Variants in FRK observed in about 807,000 individuals in gnomAD.
The protein encoded by FRK is fyn related Src family tyrosine kinase.
In FRK, 51 loss-of-function variants were observed where a neutral mutation model predicts 56.4. The observed-to-expected ratio is 0.90, with a 90% CI of 0.72 to 1.14. The LOEUF (loss-of-function observed/expected upper bound fraction) is 1.14. Among genes scored for constraint, FRK ranks in the 50% most tolerant of loss-of-function variants. FRK has a pLI of 0.00. For synonymous variants in FRK, 245 were observed against 217.9 expected (o/e 1.12, Z -1.10); for missense variants, 570 against 601.4 (o/e 0.95, Z 0.55).
At chr6:116,059,899 G>C in intron 1 of FRK, 69 bp downstream of exon 1, 1 of 1,323,502 alleles carries the variant, frequency 7.6e-7, no homozygotes. Flanking sequence ...TTGTAGAGAA[G>C]TAGAAAGGAA....
At chr6:116,026,608 C>T (rs1316239607) in intron 1 of FRK, among the ~76,000 whole-genome samples, 1 of 151,378 alleles carries the variant, frequency 6.6e-6, no homozygotes, top group African/African-American at 2.4e-5. Flanking sequence ...CCTGCCCACC[C>T]ACCATTAGGT....
chr6:115,956,832 C>A (rs1330946697), intron 4 of FRK, among the ~76,000 whole-genome samples: 1 of 151,970 alleles, frequency 6.6e-6, no homozygotes, highest in Non-Finnish European at 1.5e-5. Flanking sequence ...ATGTTATGAC[C>A]TGTAGGTGAA....
At chr6:116,008,798 G>C (rs1368356789) in intron 1 of FRK, among the ~76,000 whole-genome samples, 1 of 152,184 alleles carries the variant, frequency 6.6e-6, no homozygotes, top group Admixed American at 6.5e-5. Flanking sequence ...AGAGAGTGCT[G>C]AGAAGGGATC....
At chr6:116,062,723 G>C (rs1333567288), upstream of FRK, among the ~76,000 whole-genome samples, 1 of 152,128 alleles carries the variant, frequency 6.6e-6, no homozygotes, top group South Asian at 2.1e-4. Flanking sequence ...GCCTGAGAAC[G>C]CAGAGCTGAG....
intron 1 of FRK, among the ~76,000 whole-genome samples, chr6:116,034,626 A>G (rs1776403238): frequency 6.6e-6 from 1 of 152,180 alleles, no homozygotes; most frequent in African/African-American, 2.4e-5. Flanking sequence ...ATTAAACAAG[A>G]TTAAAAGAGA....
At chr6:115,955,615 T>A (rs1772953484) in intron 5 of FRK, among the ~76,000 whole-genome samples, 1 of 152,224 alleles carries the variant, frequency 6.6e-6, no homozygotes, top group African/African-American at 2.4e-5. Context: ...TGTAGCTTAA[T>A]GTTACCAGCT....
At chr6:115,971,805 A>C (rs556389672) in intron 2 of FRK, among the ~76,000 whole-genome samples, 11 of 152,318 alleles carry the variant, frequency 7.2e-5, no homozygotes, top group Admixed American at 7.2e-4. Context: ...GGCAAAAGGC[A>C]GCAGTGGAAA....
the FRK span, among the ~76,000 whole-genome samples, chr6:116,094,843 G>C: frequency 6.6e-6 from 1 of 152,004 alleles, no homozygotes; most frequent in Non-Finnish European, 1.5e-5. Context: ...GTCAAAGAGA[G>C]GAAGAGATAG....
At chr6:115,972,963 A>G (rs1235032393) in intron 2 of FRK, among the ~76,000 whole-genome samples, 1 of 152,226 alleles carries the variant, frequency 6.6e-6, no homozygotes, top group Admixed American at 6.5e-5. Flanking sequence ...CCTCCAGTTC[A>G]CGACAATAAT....
intron 1 of FRK, among the ~76,000 whole-genome samples, chr6:116,006,849 A>C (rs1484117578): frequency 6.6e-6 from 1 of 152,184 alleles, no homozygotes; most frequent in Non-Finnish European, 1.5e-5. Context: ...AAATAAATTA[A>C]ATTTTTAAAA....
intron 2 of FRK, among the ~76,000 whole-genome samples, chr6:115,992,746 TTTAAC>T (rs1364300304): frequency 6.6e-6 from 1 of 151,786 alleles, no homozygotes; most frequent in Non-Finnish European, 1.5e-5. Context: ...CATAGCATAG[TTTAAC>T]TTAAAGTAAT....
chr6:116,006,817 T>C (rs1775264873), intron 1 of FRK, among the ~76,000 whole-genome samples: 2 of 152,158 alleles, frequency 1.3e-5, no homozygotes, highest in African/African-American at 4.8e-5. Flanking sequence ...CTGGGTGACA[T>C]AGAAAGATTC....
rs1562244141 is a variant in FRK at position 115,938,137 on chromosome 6, A to G, written c.*4277T>C. ...GTCATAACAAACAGTCTCTAAGACCACAGTGCAATCAAATTAGAACTCAGG... is the reference window on the plus strand; with the variant it reads ...GTCATAACAAACAGTCTCTAAGACCGCAGTGCAATCAAATTAGAACTCAGG... On this transcript the variant is annotated 3_prime_UTR_variant, in exon 8 of 8. Transcript: ENST00000606080. 6.6e-6 allele frequency: 1 copy of G among 152,220 alleles called. No homozygotes were observed. The highest frequency in any genetic ancestry group is 1.5e-5 in the Non-Finnish European group (1 of 68,036). 9.4% of individuals were successfully genotyped at this position (152,220 alleles called of 1,614,324 possible).
At chr6:115,994,054 A>G (rs1308199523) in intron 2 of FRK, among the ~76,000 whole-genome samples, 1 of 152,014 alleles carries the variant, frequency 6.6e-6, no homozygotes, top group African/African-American at 2.4e-5. Context: ...TTCCCAAACC[A>G]TGTTTTATAG....
At chr6:115,951,767 T>C (rs1772763307) in intron 5 of FRK, among the ~76,000 whole-genome samples, 1 of 152,178 alleles carries the variant, frequency 6.6e-6, no homozygotes, top group Non-Finnish European at 1.5e-5. Context: ...GTGACACACA[T>C]TTCCTACTTT....
At chr6:115,968,289 GT>G (rs1240842360) in intron 3 of FRK, among the ~76,000 whole-genome samples, 4 of 152,096 alleles carry the variant, frequency 2.6e-5, no homozygotes, top group African/African-American at 7.2e-5. Context: ...TCATATTCTA[GT>G]TTACCACCTG....
At position 116,060,715 on chromosome 6, in the gene FRK, G is replaced by A. The variant is rs907914910; in HGVS notation, c.-404C>T. 1.2e-5 allele frequency: 2 copies of A among 165,380 alleles called. No homozygotes were observed. Among genetic ancestry groups the A allele is most frequent in the African/African-American group, 4.8e-5 (2 of 41,670 alleles). 10.2% of individuals were successfully genotyped at this position (165,380 alleles called of 1,614,324 possible). On this transcript the variant is annotated 5_prime_UTR_variant, in exon 1 of 8. Coordinates refer to ENST00000606080, the MANE Select transcript of FRK (RefSeq NM_002031.3). ...CCCAATAAAAAGTTAGCAAGAGGAA[G>A]CTACTAACCCCTGGTAAAACCTCCA...
At position 115,958,653 on chromosome 6, in the gene FRK, A is replaced by T. The variant is rs1375260821; in HGVS notation, c.800-2043T>A. Among the ~76,000 whole-genome samples, 2 of 3,034 alleles carry T rather than the reference A, an allele frequency of 6.6e-4. 1 individual carries two copies. The highest frequency in any genetic ancestry group is 2.9e-3 in the African/African-American group (2 of 694). The allele number at this position is 3,034 out of a possible 152,430, so 2.0% of individuals were successfully genotyped here. A position where few individuals can be genotyped will look rare whatever the true frequency, so the allele number is the denominator to read the frequency against. The stretch of plus-strand genomic sequence containing the variant: ...AAAAAAGGAAAGAAAGAAAAGAAAG[A>T]AAGAAAGAAAGAAAGAAAGAAAGAA... On this transcript the variant is annotated intron_variant, in intron 4 of 7. Coordinates refer to ENST00000606080, the MANE Select transcript of FRK (RefSeq NM_002031.3).
At chr6:116,004,941 T>C (rs1775196903) in intron 1 of FRK, among the ~76,000 whole-genome samples, 1 of 151,366 alleles carries the variant, frequency 6.6e-6, no homozygotes, top group Non-Finnish European at 1.5e-5. Flanking sequence ...TCTTTAAAAA[T>C]GTAAACACTC....
Sources: allele counts gnomAD v4.1 joint callset (sites outside exome capture counted in the v4.1 genomes callset), GRCh38; gene constraint gnomAD v4.1.1; transcripts MANE v1.5; gene names NCBI Gene and HGNC (gene_info 2026-07-23, HGNC 2026-07-21).